Variants in DLGAP1 observed in about 807,000 individuals in gnomAD.
The protein encoded by DLGAP1 is disks large-associated protein 1.
A neutral mutation model predicts 90.8 loss-of-function variants in DLGAP1; 11 were observed. That is an observed-to-expected ratio of 0.12 (90% confidence interval 0.08 to 0.20). The LOEUF (loss-of-function observed/expected upper bound fraction) is 0.20, where lower values mean the gene tolerates loss of function less well. DLGAP1 is among the 10% of genes least tolerant of loss of function. The probability of loss-of-function intolerance (pLI) is 1.00; values close to 1 mark genes in which losing one functional copy is unlikely to be tolerated. For missense variants in DLGAP1, 1,050 were observed against 1,333.8 expected (o/e 0.79, Z 3.31); for synonymous variants, 558 against 540.7 (o/e 1.03, Z -0.44).
At chr18:3,797,066 G>T (rs1598784300) in intron 5 of DLGAP1, among the ~76,000 whole-genome samples, 1 of 152,144 alleles carries the variant, frequency 6.6e-6, no homozygotes, top group East Asian at 1.9e-4. Context: ...AGGCACGGTG[G>T]CTCCTGCCTG....
intron 7 of DLGAP1, among the ~76,000 whole-genome samples, chr18:3,649,820 G>T (rs992839054): frequency 6.6e-6 from 1 of 152,118 alleles, no homozygotes. Flanking sequence ...AAAGATAAAT[G>T]TGAGAGAGCT....
At chr18:4,376,346 T>C (rs79273800) in intron 1 of DLGAP1, among the ~76,000 whole-genome samples, 1,831 of 152,296 alleles carry the variant, frequency 0.012, 17 homozygotes, top group African/African-American at 0.025. Context: ...TTCCATGATG[T>C]AAAAGCACAA....
At chr18:4,097,033 T>G (rs534621189) in intron 2 of DLGAP1, among the ~76,000 whole-genome samples, 1 of 152,356 alleles carries the variant, frequency 6.6e-6, no homozygotes, top group South Asian at 2.1e-4. Flanking sequence ...CTCTTTCAAA[T>G]CCAGCTTATC....
intron 5 of DLGAP1, among the ~76,000 whole-genome samples, chr18:3,767,549 A>G (rs959126142): frequency 3.9e-5 from 6 of 152,070 alleles, no homozygotes; most frequent in Non-Finnish European, 7.4e-5. Context: ...ATTATACACC[A>G]TGACCAAGTG....
intron 1 of DLGAP1, among the ~76,000 whole-genome samples, chr18:4,402,001 A>G (rs780894884): frequency 2.6e-5 from 4 of 152,236 alleles, no homozygotes; most frequent in Non-Finnish European, 4.4e-5. Context: ...TAGGTGATTT[A>G]AGCACCACAC....
At chr18:4,449,956 C>T (rs999958977) in intron 1 of DLGAP1, among the ~76,000 whole-genome samples, 4 of 152,170 alleles carry the variant, frequency 2.6e-5, no homozygotes, top group Non-Finnish European at 4.4e-5. Flanking sequence ...TGCATTACCA[C>T]TTCAAGATTC....
intron 2 of DLGAP1, among the ~76,000 whole-genome samples, chr18:4,043,123 T>A (rs531687952): frequency 6.6e-6 from 1 of 152,252 alleles, no homozygotes; most frequent in African/African-American, 2.4e-5. Flanking sequence ...GACCTTCTCA[T>A]ATGATTTTCA....
intron 7 of DLGAP1, among the ~76,000 whole-genome samples, chr18:3,676,159 C>T (rs929874778): frequency 5.9e-5 from 9 of 152,230 alleles, no homozygotes; most frequent in African/African-American, 1.9e-4. Flanking sequence ...CATCTTTCCT[C>T]TGCCAGCCGC....
chr18:3,706,290 G>A (rs377575687), intron 7 of DLGAP1, among the ~76,000 whole-genome samples: 2 of 152,196 alleles, frequency 1.3e-5, no homozygotes, highest in Admixed American at 1.3e-4. Flanking sequence ...GAGCCACCAC[G>A]CCTGGCAAAT....
chr18:4,135,562 A>G (rs2076385468), intron 2 of DLGAP1, among the ~76,000 whole-genome samples: 2 of 152,212 alleles, frequency 1.3e-5, no homozygotes, highest in Admixed American at 1.3e-4. Context: ...TTATCTAACT[A>G]TATTTTTGCA....
At chr18:4,019,023 G>A (rs77653305) in intron 2 of DLGAP1, among the ~76,000 whole-genome samples, 3,520 of 152,204 alleles carry the variant, frequency 0.023, 144 homozygotes, top group African/African-American at 0.081. Context: ...ATCATTGACT[G>A]AATTTTTTCA....
At chr18:4,391,531 G>A (rs953250734) in intron 1 of DLGAP1, among the ~76,000 whole-genome samples, 3 of 152,034 alleles carry the variant, frequency 2.0e-5, no homozygotes, top group South Asian at 2.1e-4. Flanking sequence ...ACCTATTTTC[G>A]GTGATTTCTG....
At chr18:4,304,378 C>CA (rs1231656753) in intron 1 of DLGAP1, among the ~76,000 whole-genome samples, 4 of 152,120 alleles carry the variant, frequency 2.6e-5, no homozygotes, top group African/African-American at 9.7e-5. Context: ...TAATTAGAAA[C>CA]AATTATTCAA....
intron 1 of DLGAP1, among the ~76,000 whole-genome samples, chr18:4,406,015 C>A (rs113673115): frequency 6.6e-6 from 1 of 152,192 alleles, no homozygotes; most frequent in African/African-American, 2.4e-5. Context: ...GGTATTTAAA[C>A]CGTAGAGGAT....
At chr18:4,402,482 G>T (rs1464280698) in intron 1 of DLGAP1, among the ~76,000 whole-genome samples, 1 of 152,122 alleles carries the variant, frequency 6.6e-6, no homozygotes, top group Admixed American at 6.5e-5. Flanking sequence ...TGCTCTTCAA[G>T]AAAACTATGG....
chr18:3,907,593 G>C (rs2071937997), intron 3 of DLGAP1, among the ~76,000 whole-genome samples: 1 of 152,164 alleles, frequency 6.6e-6, no homozygotes, highest in African/African-American at 2.4e-5. Flanking sequence ...CTCACTTCTT[G>C]GCTAGAGGAG....
intron 3 of DLGAP1, chr18:3,977,648 CT>C: frequency 4.1e-6 from 1 of 246,708 alleles, no homozygotes; most frequent in South Asian, 5.6e-5. Flanking sequence ...TAGCTGCTGC[CT>C]TTGGAGGCCA....
At chr18:3,961,575 C>T (rs761731880) in intron 3 of DLGAP1, among the ~76,000 whole-genome samples, 1 of 152,142 alleles carries the variant, frequency 6.6e-6, no homozygotes, top group Non-Finnish European at 1.5e-5. Flanking sequence ...AGGGCACCAG[C>T]GAGTGTGTCC....
At chr18:3,894,234 T>A (rs1178128807) in intron 3 of DLGAP1, among the ~76,000 whole-genome samples, 1 of 152,232 alleles carries the variant, frequency 6.6e-6, no homozygotes, top group Non-Finnish European at 1.5e-5. Context: ...CATTTGTTTA[T>A]TTTTTGTTTT....
Sources: gnomAD v4.1 joint callset for allele counts (sites outside exome capture counted in the v4.1 genomes callset) on GRCh38, gnomAD v4.1.1 for gene constraint, MANE v1.5 for transcripts, NCBI Gene and HGNC (gene_info 2026-07-23, HGNC 2026-07-21) for gene names.